The following ACSL1 variants were observed in gnomAD, a reference collection of about 807,000 sequenced individuals.
ACSL1 encodes the protein acyl-CoA synthetase long chain family member 1.
ACSL1 carries 41 observed loss-of-function variants against 98.4 expected under a neutral mutation model. The ratio of observed to expected loss-of-function variants is 0.42; its 90% confidence interval spans 0.32 to 0.54. The LOEUF (loss-of-function observed/expected upper bound fraction) is 0.54, where lower values mean the gene tolerates loss of function less well. ACSL1 is among the 20% of genes least tolerant of loss of function. The pLI, the probability that ACSL1 is intolerant of heterozygous loss-of-function variation, is 0.13. For missense variants in ACSL1, 734 were observed against 883.1 expected (o/e 0.83, Z 2.14); for synonymous variants, 316 against 322.7 (o/e 0.98, Z 0.22).
At chr4:184,764,506 C>T (rs889310729) in intron 15 of ACSL1, among the ~76,000 whole-genome samples, 6 of 152,102 alleles carry the variant, frequency 3.9e-5, no homozygotes, top group Admixed American at 1.3e-4. Flanking sequence ...TTAAAATGAC[C>T]AGCAAATAAC....
chr4:184,793,760 G>T (rs907726591), intron 2 of ACSL1, among the ~76,000 whole-genome samples: 6 of 152,186 alleles, frequency 3.9e-5, no homozygotes, highest in Non-Finnish European at 5.9e-5. Flanking sequence ...TCTAATGCGG[G>T]ATCCATCTCT....
chr4:184,799,724 C>T (rs1770134485), intron 2 of ACSL1, among the ~76,000 whole-genome samples: 1 of 152,098 alleles, frequency 6.6e-6, no homozygotes. Context: ...TGGTGCATGC[C>T]TATAGTCTTA....
chr4:184,795,765 T>C (rs1031932082), intron 2 of ACSL1, among the ~76,000 whole-genome samples: 4 of 152,326 alleles, frequency 2.6e-5, no homozygotes, highest in African/African-American at 9.6e-5. Flanking sequence ...TTTCCTGTAA[T>C]GTAGATTTGT....
intron 5 of ACSL1, among the ~76,000 whole-genome samples, chr4:184,779,327 T>C (rs62338201): frequency 0.066 from 10,055 of 152,206 alleles, 438 homozygotes; most frequent in Middle Eastern, 0.13. Context: ...TCTTCCGCAT[T>C]TTCTCTTGCC....
intron 4 of ACSL1, among the ~76,000 whole-genome samples, chr4:184,781,669 C>T (rs1470690638): frequency 6.6e-6 from 1 of 151,950 alleles, no homozygotes; most frequent in Non-Finnish European, 1.5e-5. Flanking sequence ...AGTACAAGGG[C>T]ATGGTCTTGG....
In ACSL1 at chr4:184,766,359, G is replaced by A. The variant is rs1579843589; in HGVS notation, c.1263+263C>T. Among the ~76,000 whole-genome samples the A allele has an allele frequency of 6.6e-6, 1 of 152,054 alleles. No homozygotes were observed. The highest frequency in any genetic ancestry group is 2.4e-5 in the African/African-American group (1 of 41,390). On this transcript the variant is annotated intron_variant, in intron 13 of 20. Coordinates refer to ENST00000281455, the MANE Select transcript of ACSL1 (RefSeq NM_001995.5). The surrounding 1 kb of genome is among the most constrained non-coding windows in gnomAD (Gnocchi z 4.8). ...ACCTCAAGAGTGACACGCTTGTTCCGGAAAAACGCAACAAAATGGAGAATG... is the reference window on the plus strand; with the variant it reads ...ACCTCAAGAGTGACACGCTTGTTCCAGAAAAACGCAACAAAATGGAGAATG...
At chr4:184,815,253 C>T (rs537516247) in intron 1 of ACSL1, among the ~76,000 whole-genome samples, 1 of 152,264 alleles carries the variant, frequency 6.6e-6, no homozygotes, top group African/African-American at 2.4e-5. Context: ...CAGCAACAGC[C>T]AGACAGTGCT....
chr4:184,811,386 A>C (rs772011804), intron 1 of ACSL1, among the ~76,000 whole-genome samples: 2 of 152,080 alleles, frequency 1.3e-5, no homozygotes, highest in South Asian at 2.1e-4. Flanking sequence ...TGCTGGGATT[A>C]CAGGTGTGAG....
Position 184,757,402 on chromosome 4 carries a change from A to C in ACSL1, c.1957-137T>G, listed in dbSNP as rs561978528. Reference sequence around the variant, plus strand: ...CATTTCAGCCAAGCTGCACCTTCTCAACAAAGGACAGGCATCCTATTCTTA... The same window carrying C: ...CATTTCAGCCAAGCTGCACCTTCTCCACAAAGGACAGGCATCCTATTCTTA... On this transcript the variant is annotated intron_variant, in intron 20 of 20. Coordinates refer to ENST00000281455, the MANE Select transcript of ACSL1 (RefSeq NM_001995.5). This position sits in a 1 kb window ranked among gnomAD's most constrained non-coding sequence, Gnocchi z 4.5. 179 of 1,161,654 alleles carry C rather than the reference A, an allele frequency of 1.5e-4. No homozygotes were observed. In the African/African-American group the frequency reaches 2.3e-3, roughly 15 times the overall value. The allele number at this position is 1,161,654 out of a possible 1,614,324, so 72.0% of individuals were successfully genotyped here.
intron 1 of ACSL1, among the ~76,000 whole-genome samples, chr4:184,807,299 G>A (rs1197890269): frequency 1.3e-5 from 2 of 152,212 alleles, no homozygotes; most frequent in African/African-American, 4.8e-5. Context: ...GCCTGGGCAT[G>A]TAAATCATGC....
intron 1 of ACSL1, among the ~76,000 whole-genome samples, chr4:184,814,308 A>AC (rs1430981164): frequency 6.6e-6 from 1 of 151,186 alleles, no homozygotes; most frequent in East Asian, 1.9e-4. Context: ...AAAAAAAAAA[A>AC]AAAAAGGAGA....
At chr4:184,799,212 A>T (rs997053541) in intron 2 of ACSL1, among the ~76,000 whole-genome samples, 1 of 144,282 alleles carries the variant, frequency 6.9e-6, no homozygotes, top group Non-Finnish European at 1.5e-5. Flanking sequence ...TCCGCCTCCC[A>T]GGTTCAAGCA....
At chr4:184,808,470 G>C (rs1771707309) in intron 1 of ACSL1, 3 of 985,468 alleles carry the variant, frequency 3.0e-6, no homozygotes, top group Non-Finnish European at 2.4e-6. Flanking sequence ...TGCCCCTGCA[G>C]TGGCAAATTA....
chr4:184,756,315 TG>T lies in ACSL1; in HGVS notation c.*809del, dbSNP rs1202686946. 7 of 152,760 alleles carry T rather than the reference TG, an allele frequency of 4.6e-5. No homozygotes were observed. Among genetic ancestry groups the T allele is most frequent in the African/African-American group, 1.7e-4 (7 of 41,576 alleles). The allele number at this position is 152,760 out of a possible 1,614,324, so 9.5% of individuals were successfully genotyped here. ...CCAGGTAACTCTTTCTTGAAATGCT[TG>T]TCTTCACTATAGAATCTAAGGCAGA... On this transcript the variant is annotated 3_prime_UTR_variant, in exon 21 of 21. Transcript: ENST00000281455.
Position 184,773,951 on chromosome 4 carries a change from TA to T in ACSL1, c.757-77del. 1 of 1,548,274 alleles carries T rather than the reference TA, an allele frequency of 6.5e-7. No homozygotes were observed. Among genetic ancestry groups the T allele is most frequent in the Non-Finnish European group, 8.9e-7 (1 of 1,126,682 alleles). The stretch of plus-strand genomic sequence containing the variant: ...AAGGATAAGGTCACATCGAGTCACT[TA>T]AAGCTGGCTTTACTGTGGGGTTCAT... On this transcript the variant is annotated intron_variant, in intron 7 of 20. Coordinates refer to ENST00000281455, the MANE Select transcript of ACSL1 (RefSeq NM_001995.5). This position sits in a 1 kb window ranked among gnomAD's most constrained non-coding sequence, Gnocchi z 4.3.
chr4:184,769,133 T>C (rs1045927464), intron 11 of ACSL1, among the ~76,000 whole-genome samples: 3 of 151,640 alleles, frequency 2.0e-5, no homozygotes, highest in Non-Finnish European at 2.9e-5. Context: ...ATTCTCAAAA[T>C]AAAAACTTAA....
chr4:184,762,886 C>T (rs1456002925), intron 16 of ACSL1, among the ~76,000 whole-genome samples: 4 of 152,242 alleles, frequency 2.6e-5, no homozygotes, highest in African/African-American at 7.2e-5. Flanking sequence ...GCAGGACCTT[C>T]GTCCCAGGAA....
chr4:184,782,432 C>T (rs1766461142), intron 4 of ACSL1, among the ~76,000 whole-genome samples: 1 of 152,078 alleles, frequency 6.6e-6, no homozygotes, highest in African/African-American at 2.4e-5. Flanking sequence ...TTCACACCTT[C>T]AGAAACCCCA....
intron 1 of ACSL1, among the ~76,000 whole-genome samples, chr4:184,822,600 A>C (rs1189581873): frequency 6.6e-6 from 1 of 152,170 alleles, no homozygotes; most frequent in Non-Finnish European, 1.5e-5. Flanking sequence ...TTAGCTGGGC[A>C]TAGTGATGTG....
Sources: allele counts gnomAD v4.1 joint callset (sites outside exome capture counted in the v4.1 genomes callset), GRCh38; gene constraint gnomAD v4.1.1; non-coding constraint Gnocchi (gnomAD v3.1); transcripts MANE v1.5; gene names NCBI Gene and HGNC (gene_info 2026-07-23, HGNC 2026-07-21).